The following MYO18B variants were observed in gnomAD, a reference collection of about 807,000 sequenced individuals.
The protein encoded by MYO18B is unconventional myosin-XVIIIb.
Under a neutral mutation model 273.0 loss-of-function variants are expected in MYO18B, and 204 were observed. That is an observed-to-expected ratio of 0.75 (90% confidence interval 0.67 to 0.84). The LOEUF (loss-of-function observed/expected upper bound fraction) is 0.84. MYO18B is among the 40% of genes least tolerant of loss of function. MYO18B has a pLI of 0.00. For missense variants in MYO18B, 3,212 were observed against 3,287.6 expected (o/e 0.98, Z 0.56); for synonymous variants, 1,330 against 1,305.7 (o/e 1.02, Z -0.40).
chr22:25,750,827 A>G (rs935627648), intron 1 of MYO18B, among the ~76,000 whole-genome samples: 1 of 152,138 alleles, frequency 6.6e-6, no homozygotes, highest in African/African-American at 2.4e-5. Context: ...GTCATGGAGG[A>G]AGGTGTCCCC....
intron 33 of MYO18B, among the ~76,000 whole-genome samples, chr22:25,920,536 A>G (rs527915415): frequency 4.6e-5 from 7 of 152,302 alleles, no homozygotes; most frequent in African/African-American, 1.7e-4. Flanking sequence ...TGTCCCTGGC[A>G]AATTCAAGAT....
intron 17 of MYO18B, among the ~76,000 whole-genome samples, chr22:25,836,964 AAAT>A (rs71191082): frequency 0.047 from 6,604 of 141,986 alleles, 179 homozygotes; most frequent in Non-Finnish European, 0.058. Flanking sequence ...TTCCATCTCA[AAAT>A]AATAATAATA....
chr22:26,024,893 C>G (rs1936123989), intron 42 of MYO18B, among the ~76,000 whole-genome samples: 2 of 152,172 alleles, frequency 1.3e-5, no homozygotes, highest in African/African-American at 2.4e-5. Context: ...TCTCATAGTT[C>G]TAGAGGCTGG....
At chr22:25,968,665 G>A (rs1487275368) in intron 39 of MYO18B, among the ~76,000 whole-genome samples, 1 of 152,126 alleles carries the variant, frequency 6.6e-6, no homozygotes, top group Non-Finnish European at 1.5e-5. Flanking sequence ...CTTCTCAAAG[G>A]GAGTGGCTCA....
chr22:25,832,836 TCC>T, intron 15 of MYO18B, 79 bp from the exon 16 acceptor site: 2 of 1,281,434 alleles, frequency 1.6e-6, no homozygotes, highest in Non-Finnish European at 2.2e-6. Context: ...GGAAATCCTC[TCC>T]GCTTTTTCCT....
rs367673780 is a variant in MYO18B at position 25,871,116 on chromosome 22, C to A, written c.3951+2731C>A. Among the ~76,000 whole-genome samples the A allele has an allele frequency of 6.6e-5, 10 of 152,306 alleles. No individual in the cohort carries two copies. In the East Asian group the frequency reaches 1.4e-3, roughly 21 times the overall value. ...TTAAGGGCAGATGCAGCATCTTACG[C>A]ATTGCAGGATTGGCATGTAATAATG... On this transcript the variant is annotated intron_variant, in intron 22 of 43. Coordinates refer to ENST00000335473, the MANE Select transcript of MYO18B (RefSeq NM_032608.7).
intron 39 of MYO18B, among the ~76,000 whole-genome samples, chr22:25,968,987 G>C (rs1317484289): frequency 3.3e-5 from 5 of 152,176 alleles, no homozygotes; most frequent in Non-Finnish European, 7.3e-5. Context: ...TCTCAAACCT[G>C]AAGGTGCCCA....
intron 23 of MYO18B, among the ~76,000 whole-genome samples, chr22:25,875,865 C>A (rs1473420130): frequency 6.6e-6 from 1 of 152,142 alleles, no homozygotes; most frequent in African/African-American, 2.4e-5. Context: ...TAAACCTAAT[C>A]CTCATGTAAG....
At chr22:25,851,989 G>C (rs889044682) in intron 21 of MYO18B, among the ~76,000 whole-genome samples, 9 of 152,218 alleles carry the variant, frequency 5.9e-5, no homozygotes, top group African/African-American at 2.2e-4. Flanking sequence ...AATAAGAATA[G>C]AGTCATGAGA....
At chr22:25,749,726 A>T (rs1048695638) in intron 1 of MYO18B, among the ~76,000 whole-genome samples, 1 of 152,092 alleles carries the variant, frequency 6.6e-6, no homozygotes, top group Non-Finnish European at 1.5e-5. Flanking sequence ...CTCTCCTGGG[A>T]CGTTCTTTTC....
chr22:25,787,270 G>GCACACA (rs965998326), intron 11 of MYO18B, among the ~76,000 whole-genome samples: 5 of 42,696 alleles, frequency 1.2e-4, no homozygotes, highest in African/African-American at 4.7e-4. Context: ...GTGCAGGCGC[G>GCACACA]CGCACACACA....
At chr22:25,910,196 T>C (rs2331194) in intron 32 of MYO18B, among the ~76,000 whole-genome samples, 137,252 of 152,206 alleles carry the variant, frequency 0.9, 62,267 homozygotes, top group Middle Eastern at 0.97. Context: ...GTGGCTTAAA[T>C]GATAACATTT....
chr22:25,979,505 C>T (rs1356505156), intron 39 of MYO18B, among the ~76,000 whole-genome samples: 2 of 152,118 alleles, frequency 1.3e-5, no homozygotes, highest in Non-Finnish European at 2.9e-5. Flanking sequence ...TACCCCAGGT[C>T]AGGATGTCTG....
intron 24 of MYO18B, among the ~76,000 whole-genome samples, 160 bp from the exon 25 acceptor site, chr22:25,877,799 A>G (rs1001190170): frequency 6.6e-6 from 1 of 152,198 alleles, no homozygotes; most frequent in African/African-American, 2.4e-5. Context: ...ATTTTGAAAT[A>G]TACAGTGCAC....
intron 7 of MYO18B, among the ~76,000 whole-genome samples, chr22:25,774,738 G>A (rs1319242191): frequency 6.6e-6 from 1 of 152,230 alleles, no homozygotes; most frequent in African/African-American, 2.4e-5. Context: ...CCTCGAGGAT[G>A]GGCTGGGTGG....
chr22:26,061,229 T>C, the MYO18B span, among the ~76,000 whole-genome samples: 1 of 152,194 alleles, frequency 6.6e-6, no homozygotes, highest in Non-Finnish European at 1.5e-5. Context: ...GTTAGTAAAT[T>C]CCTCAGCCCT....
rs765591664 is a variant in MYO18B at position 25,874,352 on chromosome 22, A to G, written c.4018A>G (p.Ile1340Val). The G allele has an allele frequency of 1.2e-6, 2 of 1,613,978 alleles. No homozygotes were observed. The highest frequency in any genetic ancestry group is 1.7e-6 in the Non-Finnish European group (2 of 1,179,880). The change falls in exon 23 of 44, where the codon ATC becomes GTC. Residue 1340 changes from isoleucine (I) to valine (V), a missense_variant. Transcript: ENST00000335473. Reference protein sequence around the residue: ...KQREKLVSQSIVLFQAACKGF... With the variant: ...KQREKLVSQSVVLFQAACKGF... ...GCGAGAGAAGCTGGTATCTCAGAGC[A>G]TCGTTCTCTTCCAGGCGGCTTGCAA... is the stretch of plus-strand genomic sequence containing the variant.
At position 25,768,656 on chromosome 22, in the gene MYO18B, C is replaced by T. The variant is rs780457718; in HGVS notation, c.740C>T (p.Thr247Ile). 3.9e-6 allele frequency: 6 copies of T among 1,532,808 alleles called. No individual in the cohort carries two copies. The highest frequency in any genetic ancestry group is 4.5e-5 in the East Asian group (2 of 44,190). The allele number at this position is 1,532,808 out of a possible 1,614,324, so 95.0% of individuals were successfully genotyped here. The change falls in exon 4 of 44, where the codon ACC becomes ATC. Residue 247 changes from threonine (T) to isoleucine (I), a missense_variant. By Grantham distance (89) the Thr-to-Ile change is moderately conservative. Coordinates refer to ENST00000335473, the MANE Select transcript of MYO18B (RefSeq NM_032608.7). ...AGCATAGTGGGGAAGGGGCTTGGGA[C>T]CCCCAAGACCACAGAGCTGAAAGAG... ...GQSIVGKGLG[T>I]PKTTELKEAE...
intron 1 of MYO18B, among the ~76,000 whole-genome samples, chr22:25,751,653 T>TGTG (rs2085933710): frequency 1.3e-5 from 2 of 152,348 alleles, no homozygotes; most frequent in South Asian, 4.1e-4. Flanking sequence ...CTGTCTGTTC[T>TGTG]GTGGGAGTGA....
Sources: allele counts gnomAD v4.1 joint callset (sites outside exome capture counted in the v4.1 genomes callset), GRCh38; gene constraint gnomAD v4.1.1; transcripts MANE v1.5; gene names NCBI Gene and HGNC (gene_info 2026-07-23, HGNC 2026-07-21).